The following ZFPM2 variants were observed in gnomAD, a reference collection of about 807,000 sequenced individuals.
The protein encoded by ZFPM2 is zinc finger protein ZFPM2.
A neutral mutation model predicts 98.6 loss-of-function variants in ZFPM2; 20 were observed. The ratio of observed to expected loss-of-function variants is 0.20; its 90% CI spans 0.14 to 0.29. The LOEUF (loss-of-function observed/expected upper bound fraction) is 0.29. Ranked by LOEUF, ZFPM2 falls within the 10% of genes least tolerant of loss-of-function variation. The pLI is 1.00. For missense variants in ZFPM2, 1,310 were observed against 1,388.6 expected (o/e 0.94, Z 0.90); for synonymous variants, 518 against 502.7 (o/e 1.03, Z -0.41).
intron 5 of ZFPM2, among the ~76,000 whole-genome samples, chr8:105,711,622 T>A (rs538162289): frequency 2.6e-4 from 40 of 152,112 alleles, no homozygotes; most frequent in Non-Finnish European, 3.8e-4. Flanking sequence ...TATACCACTG[T>A]ACAAGGAGAA....
intron 5 of ZFPM2, among the ~76,000 whole-genome samples, chr8:105,707,589 T>C (rs1403187799): frequency 6.6e-6 from 1 of 152,180 alleles, no homozygotes; most frequent in African/African-American, 2.4e-5. Flanking sequence ...TGTATGGCCT[T>C]GTACTGTTGC....
At chr8:105,760,181 G>A (rs546541683) in intron 5 of ZFPM2, among the ~76,000 whole-genome samples, 2 of 152,024 alleles carry the variant, frequency 1.3e-5, no homozygotes, top group Admixed American at 1.3e-4. Flanking sequence ...AGGGGTTAAG[G>A]CCCTGGACCA....
At position 105,773,780 on chromosome 8, in the gene ZFPM2, T is replaced by G. The variant is rs142446252; in HGVS notation, c.533-14938T>G. On this transcript the variant is annotated intron_variant, in intron 5 of 7. Coordinates refer to ENST00000407775, the MANE Select transcript of ZFPM2 (RefSeq NM_012082.4). ...GCAGCCATTGAACATGGAAGTTTGA[T>G]CTTAGTCATCTTTAAACCTTAAATT... Among the ~76,000 whole-genome samples the G allele has an allele frequency of 2.6e-3, 390 of 152,156 alleles. 2 individuals are homozygous for G. Among genetic ancestry groups the G allele is most frequent in the African/African-American group, 8.5e-3 (352 of 41,562 alleles).
At chr8:105,634,445 CA>C (rs1406841798) in intron 5 of ZFPM2, 88 bp downstream of exon 5, 1 of 1,046,152 alleles carries the variant, frequency 9.6e-7, no homozygotes, top group Non-Finnish European at 1.4e-6. Context: ...AATGGAAGTA[CA>C]AAGTATAAAT....
intron 3 of ZFPM2, among the ~76,000 whole-genome samples, chr8:105,549,518 T>TTTTCCTTCCTTCCTTC (rs1814793537): frequency 2.1e-5 from 1 of 48,472 alleles, no homozygotes; most frequent in Non-Finnish European, 3.6e-5. Flanking sequence ...CTCCCTCCCA[T>TTTTCCTTCCTTCCTTC]CTTCCTTCCT....
intron 3 of ZFPM2, among the ~76,000 whole-genome samples, chr8:105,520,884 G>A (rs1251134970): frequency 6.9e-6 from 1 of 145,582 alleles, no homozygotes; most frequent in African/African-American, 2.4e-5. Context: ...GGGAGGGCTG[G>A]GGCCTTAAAG....
intron 3 of ZFPM2, among the ~76,000 whole-genome samples, chr8:105,468,151 G>A (rs1055763916): frequency 6.6e-5 from 10 of 151,408 alleles, no homozygotes; most frequent in Admixed American, 2.0e-4. Context: ...TAGATATACC[G>A]TTCTCTTTAG....
At position 105,441,434 on chromosome 8, in the gene ZFPM2, A is replaced by AAGACAGAGAG. The variant is rs1563659797; in HGVS notation, c.200-2843_200-2842insCAGAGAGAGA. Among the ~76,000 whole-genome samples the AAGACAGAGAG allele has an allele frequency of 9.5e-5, 9 of 95,028 alleles. 1 individual carries two copies. Among genetic ancestry groups the AAGACAGAGAG allele is most frequent in the African/African-American group, 5.6e-4 (9 of 16,118 alleles). The allele number at this position is 95,028 out of a possible 152,430, so 62.3% of individuals were successfully genotyped here. A position where few individuals can be genotyped will look rare whatever the true frequency, so the allele number is the denominator to read the frequency against. The stretch of plus-strand genomic sequence containing the variant: ...CTCAACAAAAAAAAAGAAAGAAAGA[A>AAGACAGAGAG]AGAGAGAGAGAGAGAGAGAGAAAGA... On this transcript the variant is annotated intron_variant, in intron 2 of 7. Coordinates refer to ENST00000407775, the MANE Select transcript of ZFPM2 (RefSeq NM_012082.4).
At chr8:105,505,119 A>G (rs1307432481) in intron 3 of ZFPM2, among the ~76,000 whole-genome samples, 1 of 152,128 alleles carries the variant, frequency 6.6e-6, no homozygotes, top group Non-Finnish European at 1.5e-5. Flanking sequence ...CTTGACCACC[A>G]TTACTTCAGT....
intron 3 of ZFPM2, among the ~76,000 whole-genome samples, chr8:105,508,538 A>G (rs1434458153): frequency 6.6e-6 from 1 of 152,128 alleles, no homozygotes; most frequent in Non-Finnish European, 1.5e-5. Context: ...AGTTAGTTAG[A>G]GACGTCTTGC....
chr8:105,615,094 G>A (rs1238461345), intron 4 of ZFPM2, among the ~76,000 whole-genome samples: 4 of 151,984 alleles, frequency 2.6e-5, no homozygotes, highest in African/African-American at 9.7e-5. Flanking sequence ...TATTTGCAAA[G>A]TGTTCACTGA....
At chr8:105,471,244 A>G (rs1339422924) in intron 3 of ZFPM2, among the ~76,000 whole-genome samples, 2 of 152,126 alleles carry the variant, frequency 1.3e-5, no homozygotes, top group South Asian at 2.1e-4. Context: ...ATTTTTCTGT[A>G]TACATGACTA....
At chr8:105,448,373 GTT>G (rs1265681347) in intron 3 of ZFPM2, among the ~76,000 whole-genome samples, 1 of 151,874 alleles carries the variant, frequency 6.6e-6, no homozygotes. Context: ...CAAATTTTGT[GTT>G]TTATCACTCT....
At chr8:105,644,489 GCT>G (rs1232576082) in intron 5 of ZFPM2, among the ~76,000 whole-genome samples, 1 of 151,454 alleles carries the variant, frequency 6.6e-6, no homozygotes, top group Non-Finnish European at 1.5e-5. Flanking sequence ...TGTCTAAAAT[GCT>G]CTGTCTCTCT....
In ZFPM2 at chr8:105,424,894, G is replaced by A. The variant is rs140067730; in HGVS notation, c.199+5592G>A. 4.2e-3 allele frequency among the ~76,000 whole-genome samples: 642 copies of A among 152,288 alleles called. 5 individuals carry two copies. Among genetic ancestry groups the A allele is most frequent in the African/African-American group, 0.015 (613 of 41,568 alleles). On this transcript the variant is annotated intron_variant, in intron 2 of 7. Coordinates refer to ENST00000407775, the MANE Select transcript of ZFPM2 (RefSeq NM_012082.4). ...ATTGAATCACATTTTATAAAGTTCG[G>A]TGAGATAGAGGATCATGAGGAAAAA...
chr8:105,535,791 G>A (rs920544613), intron 3 of ZFPM2, among the ~76,000 whole-genome samples: 2 of 152,120 alleles, frequency 1.3e-5, no homozygotes, highest in Admixed American at 6.5e-5. Flanking sequence ...CATGTTACAT[G>A]GGATGCTAGA....
chr8:105,578,525 C>T (rs1202242731), intron 4 of ZFPM2, among the ~76,000 whole-genome samples: 5 of 152,072 alleles, frequency 3.3e-5, no homozygotes, highest in Non-Finnish European at 7.4e-5. Flanking sequence ...CAGTAATTTG[C>T]TTCCATTCTG....
At chr8:105,384,402 C>G (rs1459440755) in intron 1 of ZFPM2, among the ~76,000 whole-genome samples, 1 of 152,052 alleles carries the variant, frequency 6.6e-6, no homozygotes, top group African/African-American at 2.4e-5. Flanking sequence ...GTCACCCTTT[C>G]TTCCCCTCAG....
intron 1 of ZFPM2, among the ~76,000 whole-genome samples, chr8:105,410,597 A>T (rs1811557504): frequency 6.6e-6 from 1 of 151,946 alleles, no homozygotes; most frequent in Non-Finnish European, 1.5e-5. Flanking sequence ...TTTGTTATAT[A>T]AACATATAGG....
Sources: allele counts gnomAD v4.1 joint callset (sites outside exome capture counted in the v4.1 genomes callset), GRCh38; gene constraint gnomAD v4.1.1; transcripts MANE v1.5; gene names NCBI Gene and HGNC (gene_info 2026-07-23, HGNC 2026-07-21).